ZNRF2: variants seen among roughly 807,000 people sequenced by gnomAD.
The protein encoded by ZNRF2 is zinc and ring finger 2.
A neutral mutation model predicts 20.4 loss-of-function variants in ZNRF2; 16 were observed. The observed-to-expected ratio is 0.79, with a 90% confidence interval of 0.53 to 1.19. The LOEUF is 1.19. Ranked by LOEUF, ZNRF2 falls within the 50% of genes most tolerant of loss-of-function variation. The pLI is 0.00. For missense variants in ZNRF2, 363 were observed against 332.4 expected (o/e 1.09, Z -0.72); for synonymous variants, 178 against 144.9 (o/e 1.23, Z -1.64).
chr7:30,300,454 C>T (rs1799095833), intron 1 of ZNRF2, among the ~76,000 whole-genome samples: 2 of 152,028 alleles, frequency 1.3e-5, no homozygotes, highest in South Asian at 4.1e-4. Context: ...GCCAGAATAC[C>T]CCAAATGTTT....
At chr7:30,340,319 T>G (rs1431804682) in intron 2 of ZNRF2, among the ~76,000 whole-genome samples, 1 of 152,224 alleles carries the variant, frequency 6.6e-6, no homozygotes, top group Non-Finnish European at 1.5e-5. Flanking sequence ...CATCCTTGTC[T>G]TGTGCCGGTT....
chr7:30,351,488 G>T (rs1285518418), intron 2 of ZNRF2, among the ~76,000 whole-genome samples: 4 of 152,044 alleles, frequency 2.6e-5, no homozygotes, highest in Admixed American at 2.0e-4. Flanking sequence ...AAGATAAAGC[G>T]TGTGACCAGT....
intron 2 of ZNRF2, among the ~76,000 whole-genome samples, chr7:30,352,911 A>G (rs1477009776): frequency 6.6e-6 from 1 of 152,122 alleles, no homozygotes; most frequent in Non-Finnish European, 1.5e-5. Flanking sequence ...ATTACTAACA[A>G]GTCTTTCACA....
intron 1 of ZNRF2, among the ~76,000 whole-genome samples, chr7:30,316,249 C>T (rs1275380764): frequency 8.3e-6 from 1 of 119,774 alleles, no homozygotes; most frequent in African/African-American, 3.1e-5. Context: ...GATTGCACCA[C>T]TGTACTCCAG....
intron 1 of ZNRF2, among the ~76,000 whole-genome samples, chr7:30,296,197 T>A (rs1399234614): frequency 1.3e-5 from 2 of 152,242 alleles, no homozygotes; most frequent in Non-Finnish European, 2.9e-5. Context: ...ATGTTTTTAT[T>A]TGTATAATGT....
intron 3 of ZNRF2, 79 bp from the exon 4 acceptor site, chr7:30,362,293 AAAGTC>A: frequency 5.6e-6 from 5 of 887,772 alleles, no homozygotes; most frequent in East Asian, 2.8e-5. Context: ...AAAATATATT[AAAGTC>A]AAGTATTTTT....
chr7:30,330,350 T>C lies in ZNRF2; in HGVS notation c.565+6613T>C, dbSNP rs142776565. Among the ~76,000 whole-genome samples, 30 of 152,292 alleles carry C rather than the reference T, an allele frequency of 2.0e-4. No homozygotes were observed. The East Asian group carries it at 5.0e-3, about 25-fold the overall frequency. Reference sequence around the variant, plus strand: ...AGAGCAAGATGTGACTATTACCCTGTTAAAGTAAACATGTTTGAAGAAAGA... The same window carrying C: ...AGAGCAAGATGTGACTATTACCCTGCTAAAGTAAACATGTTTGAAGAAAGA... On this transcript the variant is annotated intron_variant, in intron 2 of 4. Coordinates refer to ENST00000323037, the MANE Select transcript of ZNRF2 (RefSeq NM_147128.4).
chr7:30,304,656 T>C (rs948147438), intron 1 of ZNRF2, among the ~76,000 whole-genome samples: 1 of 152,194 alleles, frequency 6.6e-6, no homozygotes, highest in Non-Finnish European at 1.5e-5. Flanking sequence ...CAGTCTATTA[T>C]GTTTAGGGCC....
chr7:30,345,669 T>A (rs1288885919), intron 2 of ZNRF2, among the ~76,000 whole-genome samples: 1 of 152,284 alleles, frequency 6.6e-6, no homozygotes, highest in African/African-American at 2.4e-5. Flanking sequence ...TACCTTACTT[T>A]AGTGTATATC....
chr7:30,360,326 T>C (rs1800106578), intron 3 of ZNRF2, among the ~76,000 whole-genome samples: 1 of 152,220 alleles, frequency 6.6e-6, no homozygotes, highest in African/African-American at 2.4e-5. Context: ...CATAGCATCA[T>C]TGAAAATGTC....
chr7:30,301,100 A>G (rs902446245), intron 1 of ZNRF2, among the ~76,000 whole-genome samples: 4 of 152,222 alleles, frequency 2.6e-5, no homozygotes, highest in African/African-American at 4.8e-5. Flanking sequence ...AGCCTTTCTT[A>G]TCAAGTGGCC....
intron 2 of ZNRF2, among the ~76,000 whole-genome samples, chr7:30,326,832 G>T (rs767637220): frequency 1.3e-4 from 20 of 151,802 alleles, no homozygotes; most frequent in Non-Finnish European, 2.5e-4. Flanking sequence ...TACGCATTCT[G>T]ACGCTTGAAA....
intron 2 of ZNRF2, among the ~76,000 whole-genome samples, chr7:30,341,870 T>C (rs1006513835): frequency 6.6e-6 from 1 of 152,154 alleles, no homozygotes; most frequent in African/African-American, 2.4e-5. Flanking sequence ...TCTGTAGGTC[T>C]CTAAGAACTT....
intron 1 of ZNRF2, among the ~76,000 whole-genome samples, chr7:30,311,247 A>G (rs2128060176): frequency 6.6e-6 from 1 of 152,292 alleles, no homozygotes; most frequent in East Asian, 1.9e-4. Context: ...TACCAACCCC[A>G]GAATTTTACC....
Position 30,285,006 on chromosome 7 carries a change from C to T in ZNRF2, c.-352C>T. ...GGGCGCCGAGCGCGGCAGCAGAGAG[C>T]GGTAGCGGCCCGTCGTGGCGCACCA... On this transcript the variant is annotated 5_prime_UTR_variant, in exon 1 of 5. Transcript: ENST00000323037. 5.1e-6 allele frequency: 2 copies of T among 390,064 alleles called. No homozygotes were observed. Among genetic ancestry groups the T allele is most frequent in the Non-Finnish European group, 5.1e-6 (1 of 197,392 alleles). The allele number at this position is 390,064 out of a possible 1,614,324, so 24.2% of individuals were successfully genotyped here.
Position 30,285,087 on chromosome 7 carries a change from C to T in ZNRF2, c.-271C>T, listed in dbSNP as rs1446597105. ...CTTGAGCCGCCCCTTCCTGCTGGAGCCAGCGAGGGGTGCCTGCAGCCGGGA... is the reference window on the plus strand; with the variant it reads ...CTTGAGCCGCCCCTTCCTGCTGGAGTCAGCGAGGGGTGCCTGCAGCCGGGA... On this transcript the variant is annotated 5_prime_UTR_variant, in exon 1 of 5. Transcript: ENST00000323037. The T allele has an allele frequency of 2.4e-5, 10 of 414,448 alleles. No individual in the cohort carries two copies. The Admixed American group carries it at 2.7e-4, about 11-fold the overall frequency. The allele number at this position is 414,448 out of a possible 1,614,324, so 25.7% of individuals were successfully genotyped here.
intron 2 of ZNRF2, among the ~76,000 whole-genome samples, chr7:30,345,068 G>A (rs539311456): frequency 6.6e-6 from 1 of 152,114 alleles, no homozygotes; most frequent in South Asian, 2.1e-4. Flanking sequence ...TTTTTTCTGG[G>A]TCAGTTTTTA....
intron 1 of ZNRF2, among the ~76,000 whole-genome samples, chr7:30,299,445 G>A (rs1456562566): frequency 2.0e-5 from 3 of 151,174 alleles, no homozygotes; most frequent in Non-Finnish European, 4.4e-5. Context: ...ATCAGATGAT[G>A]CAAAAAAAGT....
intron 2 of ZNRF2, among the ~76,000 whole-genome samples, chr7:30,344,550 A>G (rs1315616389): frequency 2.6e-5 from 4 of 151,908 alleles, no homozygotes; most frequent in Admixed American, 6.6e-5. Flanking sequence ...TTTGACACCT[A>G]GTTATTTATA....
Sources: allele counts gnomAD v4.1 joint callset (sites outside exome capture counted in the v4.1 genomes callset), GRCh38; gene constraint gnomAD v4.1.1; transcripts MANE v1.5; gene names NCBI Gene and HGNC (gene_info 2026-07-23, HGNC 2026-07-21).